LLGL2: variants seen among roughly 807,000 people sequenced by gnomAD.
LLGL2 encodes the protein LLGL2, scribble cell polarity complex component.
In LLGL2, 81 loss-of-function variants were observed where a neutral mutation model predicts 123.2. That is an observed-to-expected ratio of 0.66 (90% CI 0.55 to 0.79). The LOEUF is 0.79. Among genes scored for constraint, LLGL2 ranks in the 30% least tolerant of loss-of-function variants. The pLI is 0.00. For missense variants in LLGL2, 1,273 were observed against 1,414.6 expected (o/e 0.90, Z 1.61); for synonymous variants, 577 against 594.1 (o/e 0.97, Z 0.42).
Position 75,568,333 on chromosome 17 carries a change from G to A in LLGL2, c.1037-143G>A, listed in dbSNP as rs1165415101. The A allele has an allele frequency of 2.9e-5, 42 of 1,443,598 alleles. No individual in the cohort carries two copies. The East Asian group carries it at 9.5e-4, about 33-fold the overall frequency. 89.4% of individuals were successfully genotyped at this position (1,443,598 alleles called of 1,614,324 possible). A position where few individuals can be genotyped will look rare whatever the true frequency, so the allele number is the denominator to read the frequency against. ...TGCCCACACCTGCTGCCCTCCTGGA[G>A]ATGGAAAGGCTTTGCTCAAGCAGCC... On this transcript the variant is annotated intron_variant, in intron 10 of 25. Coordinates refer to ENST00000392550, the MANE Select transcript of LLGL2 (RefSeq NM_001031803.2).
chr17:75,571,543 G>A, intron 17 of LLGL2, 124 bp from the exon 18 acceptor site: 1 of 725,280 alleles, frequency 1.4e-6, no homozygotes, highest in Non-Finnish European at 2.4e-6. Flanking sequence ...GTTGGGGCCT[G>A]TGTGGTTGTC....
chr17:75,544,821 C>T lies in LLGL2; in HGVS notation c.75+1320C>T, dbSNP rs1403167641. ...GTTGGTGTCCCTGATGGAGCTTTGC[C>T]ACGAGGACATTTGCCTCTGGAATTA... On this transcript the variant is annotated intron_variant, in intron 2 of 25. Transcript: ENST00000392550. The surrounding 1 kb of genome is among the most constrained non-coding windows in gnomAD (Gnocchi z 4.2). Among the ~76,000 whole-genome samples, 1 of 152,166 alleles carries T rather than the reference C, an allele frequency of 6.6e-6. No individual in the cohort carries two copies. Among genetic ancestry groups the T allele is most frequent in the Admixed American group, 6.5e-5 (1 of 15,272 alleles).
chr17:75,559,729 C>T lies in LLGL2; in HGVS notation c.530+319C>T, dbSNP rs1437417000. On this transcript the variant is annotated intron_variant, in intron 6 of 25. Transcript: ENST00000392550. The surrounding 1 kb of genome is among the most constrained non-coding windows in gnomAD (Gnocchi z 4.6). ...TTTCAGAACCCCAGGGGCTCCGCAG[C>T]GGGGAAGTCGGGCCCAGACCTCCCT... is the stretch of plus-strand genomic sequence containing the variant. 2.6e-5 allele frequency among the ~76,000 whole-genome samples: 4 copies of T among 152,224 alleles called. No individual in the cohort carries two copies. The highest frequency in any genetic ancestry group is 2.6e-4 in the Admixed American group (4 of 15,282).
intron 2 of LLGL2, among the ~76,000 whole-genome samples, chr17:75,554,245 C>T (rs974994615): frequency 5.5e-5 from 8 of 145,040 alleles, no homozygotes; most frequent in Admixed American, 2.9e-4. Context: ...GAGTTTGCAG[C>T]GAGCCAAGAT....
In LLGL2 at chr17:75,558,314, A is replaced by G; in HGVS notation, c.255+78A>G. Reference sequence around the variant, plus strand: ...ACTGCTTCCAGCAGGGCTGGTGTGGAGAGGCTGGCATTCGGTGGCCCTGGG... The same window carrying G: ...ACTGCTTCCAGCAGGGCTGGTGTGGGGAGGCTGGCATTCGGTGGCCCTGGG... On this transcript the variant is annotated intron_variant, in intron 4 of 25. Coordinates refer to ENST00000392550, the MANE Select transcript of LLGL2 (RefSeq NM_001031803.2). This position sits in a 1 kb window ranked among gnomAD's most constrained non-coding sequence, Gnocchi z 4.0. 7.0e-7 allele frequency: 1 copy of G among 1,425,928 alleles called. No individual in the cohort carries two copies. The highest frequency in any genetic ancestry group is 9.7e-7 in the Non-Finnish European group (1 of 1,029,194). 88.3% of individuals were successfully genotyped at this position (1,425,928 alleles called of 1,614,324 possible).
rs994834295 is a variant in LLGL2, at chr17:75,544,803, T to C, written c.75+1302T>C. 3.3e-5 allele frequency among the ~76,000 whole-genome samples: 5 copies of C among 152,148 alleles called. No individual in the cohort carries two copies. Among genetic ancestry groups the C allele is most frequent in the Admixed American group, 1.3e-4 (2 of 15,266 alleles). On this transcript the variant is annotated intron_variant, in intron 2 of 25. Coordinates refer to ENST00000392550, the MANE Select transcript of LLGL2 (RefSeq NM_001031803.2). The surrounding 1 kb of genome is among the most constrained non-coding windows in gnomAD (Gnocchi z 4.2). Reference sequence around the variant, plus strand: ...TCTTAGCCTGTGGGAGGAGTTGGTGTCCCTGATGGAGCTTTGCCACGAGGA... The same window carrying C: ...TCTTAGCCTGTGGGAGGAGTTGGTGCCCCTGATGGAGCTTTGCCACGAGGA...
Position 75,556,161 on chromosome 17 carries a change from G to A in LLGL2, c.173+18G>A, listed in dbSNP as rs756612177. The A allele has an allele frequency of 7.5e-6, 12 of 1,592,886 alleles. No homozygotes were observed. The highest frequency in any genetic ancestry group is 2.7e-5 in the African/African-American group (2 of 74,722). On this transcript the variant is annotated intron_variant, in intron 3 of 25. Coordinates refer to ENST00000392550, the MANE Select transcript of LLGL2 (RefSeq NM_001031803.2). ...ATCAAGCTGTATCCTCCGTCCCCTCGCTCCCACTCGGGCAGGGCCTTGGGG... is the reference window on the plus strand; with the variant it reads ...ATCAAGCTGTATCCTCCGTCCCCTCACTCCCACTCGGGCAGGGCCTTGGGG...
chr17:75,567,152 A>C (rs1033372971), intron 10 of LLGL2, among the ~76,000 whole-genome samples: 1 of 152,174 alleles, frequency 6.6e-6, no homozygotes, highest in Non-Finnish European at 1.5e-5. Flanking sequence ...CCAGAGTAGC[A>C]GGGAAGACAA....
chr17:75,534,376 G>A (rs919784130), intron 1 of LLGL2, among the ~76,000 whole-genome samples: 2 of 152,396 alleles, frequency 1.3e-5, no homozygotes, highest in Non-Finnish European at 1.5e-5. Context: ...ACCCCAAATG[G>A]GGCCCATCCA....
In LLGL2 at chr17:75,558,425, T is replaced by G; in HGVS notation, c.256-87T>G. Reference sequence around the variant, plus strand: ...ACCCTGGGAGTGGCCAGGGGGTCTTTTAAACAACTGGGGCTGCGTGGCCCC... The same window carrying G: ...ACCCTGGGAGTGGCCAGGGGGTCTTGTAAACAACTGGGGCTGCGTGGCCCC... On this transcript the variant is annotated intron_variant, in intron 4 of 25. Transcript: ENST00000392550. This position sits in a 1 kb window ranked among gnomAD's most constrained non-coding sequence, Gnocchi z 4.0. 7.8e-7 allele frequency: 1 copy of G among 1,279,018 alleles called. No homozygotes were observed. Among genetic ancestry groups the G allele is most frequent in the Non-Finnish European group, 1.1e-6 (1 of 921,158 alleles). The allele number at this position is 1,279,018 out of a possible 1,614,324, so 79.2% of individuals were successfully genotyped here. A position where few individuals can be genotyped will look rare whatever the true frequency, so the allele number is the denominator to read the frequency against.
At chr17:75,557,372 C>G (rs1221393545) in intron 3 of LLGL2, among the ~76,000 whole-genome samples, 1 of 152,242 alleles carries the variant, frequency 6.6e-6, no homozygotes, top group Non-Finnish European at 1.5e-5. Context: ...CAGTCCTTCC[C>G]CGGCCTGAGG....
rs72854915 is a variant in LLGL2, at chr17:75,562,479, G to A, written c.531-537G>A. On this transcript the variant is annotated intron_variant, in intron 6 of 25. Coordinates refer to ENST00000392550, the MANE Select transcript of LLGL2 (RefSeq NM_001031803.2). ...CCTTGCCTTGCCTTATAATTGTACC[G>A]CCTGTGTTTACATCACTGGAGGTTG... 6.2e-3 allele frequency: 966 copies of A among 156,800 alleles called. 7 individuals are homozygous for A. Among genetic ancestry groups the A allele is most frequent in the Non-Finnish European group, 8.9e-3 (627 of 70,458 alleles). The allele number at this position is 156,800 out of a possible 1,614,324, so 9.7% of individuals were successfully genotyped here. A position where few individuals can be genotyped will look rare whatever the true frequency, so the allele number is the denominator to read the frequency against.
intron 25 of LLGL2, 64 bp from the exon 26 acceptor site, chr17:75,574,807 G>A (rs77828821): frequency 1.9e-6 from 3 of 1,604,368 alleles, no homozygotes; most frequent in African/African-American, 1.3e-5. Flanking sequence ...TGGGCTCAGC[G>A]TGGGCGGCTG....
In LLGL2 at chr17:75,564,020, C is replaced by A. The variant is rs1392370614; in HGVS notation, c.881+214C>A. Among the ~76,000 whole-genome samples, 4 of 152,238 alleles carry A rather than the reference C, an allele frequency of 2.6e-5. No homozygotes were observed. Among genetic ancestry groups the A allele is most frequent in the African/African-American group, 9.6e-5 (4 of 41,468 alleles). ...GTTCATTCTTGCTCCTTTCTTCCAC[C>A]TTCCCAGAGAGACGGTACTGAGCAG... On this transcript the variant is annotated intron_variant, in intron 9 of 25. Transcript: ENST00000392550. This position sits in a 1 kb window ranked among gnomAD's most constrained non-coding sequence, Gnocchi z 4.9.
chr17:75,571,352 C>G, intron 17 of LLGL2: 1 of 578,652 alleles, frequency 1.7e-6, no homozygotes, highest in Non-Finnish European at 3.1e-6. Context: ...CATCACTTAG[C>G]CTTTCAGGGC....
chr17:75,543,595 G>A (rs2054299304), intron 2 of LLGL2, 94 bp downstream of exon 2: 1 of 915,284 alleles, frequency 1.1e-6, no homozygotes, highest in Non-Finnish European at 1.6e-6. Context: ...TTAAGGTATA[G>A]CTCTTATGTG....
At position 75,570,459 on chromosome 17, in the gene LLGL2, G is replaced by A. The variant is rs761067630; in HGVS notation, c.1986G>A (p.Val662=). The change falls in exon 16 of 26, where the codon GTG becomes GTA. Residue 662 remains valine, a synonymous_variant. Coordinates refer to ENST00000392550, the MANE Select transcript of LLGL2 (RefSeq NM_001031803.2). The stretch of plus-strand genomic sequence containing the variant: ...TCCGCCGGATGCGTCGGAGCCGGGT[G>A]TCCAGCCGGAAGCGGCACCCGGCTG... ...QSFRRMRRSR[V]SSRKRHPAGP... The A allele has an allele frequency of 2.9e-5, 46 of 1,592,800 alleles. No homozygotes were observed. Among genetic ancestry groups the A allele is most frequent in the Non-Finnish European group, 3.6e-5 (42 of 1,171,044 alleles).
intron 2 of LLGL2, among the ~76,000 whole-genome samples, chr17:75,552,363 C>A (rs976621247): frequency 1.3e-5 from 2 of 152,094 alleles, no homozygotes; most frequent in Non-Finnish European, 2.9e-5. Flanking sequence ...GTGGTGTGTG[C>A]CTGTAGTCCC....
Position 75,563,774 on chromosome 17 carries a change from T to G in LLGL2, c.849T>G (p.Ile283Met). 1 of 1,614,084 alleles carries G rather than the reference T, an allele frequency of 6.2e-7. No homozygotes were observed. Among genetic ancestry groups the G allele is most frequent in the Non-Finnish European group, 8.5e-7 (1 of 1,180,032 alleles). Residue 283 changes from isoleucine to methionine, a missense_variant, in exon 9 of 26, where the codon ATT (isoleucine) becomes ATG (methionine). By Grantham distance (10) the Ile-to-Met change is conservative. Coordinates refer to ENST00000392550, the MANE Select transcript of LLGL2 (RefSeq NM_001031803.2). ...VPYGPFPCKA[I>M]TRILWLTTRQ... Reference sequence around the variant, plus strand: ...CAGGTCCCTTTCCTTGCAAAGCGATTACCAGAATCCTCTGGCTGACCACTA... The same window carrying G: ...CAGGTCCCTTTCCTTGCAAAGCGATGACCAGAATCCTCTGGCTGACCACTA...
Sources: gnomAD v4.1 joint callset for allele counts (sites outside exome capture counted in the v4.1 genomes callset) on GRCh38, gnomAD v4.1.1 for gene constraint, Gnocchi (gnomAD v3.1) non-coding constraint, MANE v1.5 for transcripts, NCBI Gene and HGNC (gene_info 2026-07-23, HGNC 2026-07-21) for gene names.